Variants in SGMS1 observed in about 807,000 individuals in gnomAD.
The protein encoded by SGMS1 is sphingomyelin synthase 1.
In SGMS1, 13 loss-of-function variants were observed where a neutral mutation model predicts 46.2. The observed-to-expected ratio is 0.28, with a 90% CI of 0.18 to 0.45. The LOEUF (loss-of-function observed/expected upper bound fraction) is 0.45. Ranked by LOEUF, SGMS1 falls within the 20% of genes least tolerant of loss-of-function variation. The pLI is 1.00. For missense variants in SGMS1, 324 were observed against 519.9 expected (o/e 0.62, Z 3.66); for synonymous variants, 203 against 187.8 (o/e 1.08, Z -0.66).
At chr10:50,588,058 G>A (rs1272467544) in intron 2 of SGMS1, among the ~76,000 whole-genome samples, 2 of 151,942 alleles carry the variant, frequency 1.3e-5, no homozygotes, top group Non-Finnish European at 2.9e-5. Flanking sequence ...TTTGCCTCAC[G>A]TGGAGTCCCA....
intron 6 of SGMS1, among the ~76,000 whole-genome samples, chr10:50,411,886 G>A (rs1218499658): frequency 6.6e-6 from 1 of 152,204 alleles, no homozygotes; most frequent in Non-Finnish European, 1.5e-5. Context: ...GTCTACTTCT[G>A]TATGATAAGG....
intron 6 of SGMS1, among the ~76,000 whole-genome samples, chr10:50,415,638 C>T (rs188675488): frequency 1.3e-3 from 197 of 152,126 alleles, no homozygotes; most frequent in African/African-American, 4.2e-3. Flanking sequence ...TCATGGTCTT[C>T]GATGAAGGTG....
At chr10:50,436,691 T>G (rs934519655) in intron 5 of SGMS1, among the ~76,000 whole-genome samples, 1 of 152,198 alleles carries the variant, frequency 6.6e-6, no homozygotes, top group Non-Finnish European at 1.5e-5. Context: ...AGGGCAAAGC[T>G]GAGCCTGCTA....
intron 3 of SGMS1, among the ~76,000 whole-genome samples, chr10:50,486,388 C>T (rs148793266): frequency 5.5e-4 from 84 of 152,168 alleles, no homozygotes; most frequent in African/African-American, 1.8e-3. Context: ...ACCTACGGAA[C>T]GGGAGAGAAT....
At chr10:50,366,821 G>A (rs1382496376) in intron 6 of SGMS1, among the ~76,000 whole-genome samples, 2 of 152,108 alleles carry the variant, frequency 1.3e-5, no homozygotes, top group Non-Finnish European at 2.9e-5. Context: ...GGCTAGGGGA[G>A]GGATAACATT....
chr10:50,487,759 T>C (rs527626855), intron 3 of SGMS1, among the ~76,000 whole-genome samples: 8 of 152,140 alleles, frequency 5.3e-5, no homozygotes, highest in Admixed American at 2.0e-4. Context: ...TTTTGAGAGA[T>C]GGCTAATTCA....
chr10:50,395,409 G>A (rs1589422247), intron 6 of SGMS1, among the ~76,000 whole-genome samples: 1 of 152,136 alleles, frequency 6.6e-6, no homozygotes, highest in East Asian at 1.9e-4. Context: ...GATGCATGTG[G>A]ATGATTAAGC....
At chr10:50,477,384 T>C (rs1328448819) in intron 3 of SGMS1, among the ~76,000 whole-genome samples, 3 of 152,270 alleles carry the variant, frequency 2.0e-5, no homozygotes, top group Non-Finnish European at 4.4e-5. Context: ...TCCCATTGTA[T>C]GTTGGAATTA....
chr10:50,448,711 T>A (rs1163231995), intron 5 of SGMS1, among the ~76,000 whole-genome samples: 1 of 121,304 alleles, frequency 8.2e-6, no homozygotes, highest in Non-Finnish European at 1.5e-5. Flanking sequence ...GCCATTGTAC[T>A]CCAGCCTGAG....
intron 2 of SGMS1, among the ~76,000 whole-genome samples, chr10:50,525,194 C>T (rs766071341): frequency 1.3e-5 from 2 of 152,122 alleles, no homozygotes; most frequent in Non-Finnish European, 2.9e-5. Flanking sequence ...TACTGGGTAA[C>T]AAATAGCATC....
chr10:50,311,683 T>C (rs1476856918), intron 8 of SGMS1, among the ~76,000 whole-genome samples: 1 of 152,186 alleles, frequency 6.6e-6, no homozygotes, highest in African/African-American at 2.4e-5. Flanking sequence ...TCCCCAGTTT[T>C]TCAAAAATTA....
chr10:50,326,643 G>A (rs112053652), intron 8 of SGMS1, among the ~76,000 whole-genome samples: 4 of 152,278 alleles, frequency 2.6e-5, no homozygotes, highest in South Asian at 2.1e-4. Flanking sequence ...GGTGAAGAGT[G>A]TCATTTGAAT....
At chr10:50,498,607 C>T (rs961310080) in intron 3 of SGMS1, among the ~76,000 whole-genome samples, 1 of 152,194 alleles carries the variant, frequency 6.6e-6, no homozygotes, top group African/African-American at 2.4e-5. Flanking sequence ...ATAATGTCCT[C>T]AAGGTTCATC....
chr10:50,305,788 C>T lies in SGMS1; in HGVS notation c.*1354G>A, dbSNP rs960208043. The T allele has an allele frequency of 6.6e-6, 1 of 152,540 alleles. No individual in the cohort carries two copies. The highest frequency in any genetic ancestry group is 6.5e-5 in the Admixed American group (1 of 15,268). 9.4% of individuals were successfully genotyped at this position (152,540 alleles called of 1,614,324 possible). The stretch of plus-strand genomic sequence containing the variant: ...CAATACAAATATCACCTTGTGAATA[C>T]ACAAAAAAATCCTACGGAAGATAAT... On this transcript the variant is annotated 3_prime_UTR_variant, in exon 11 of 11. Coordinates refer to ENST00000361781, the MANE Select transcript of SGMS1 (RefSeq NM_147156.4).
intron 2 of SGMS1, among the ~76,000 whole-genome samples, chr10:50,561,076 T>G (rs1031473631): frequency 2.0e-5 from 3 of 152,308 alleles, no homozygotes; most frequent in African/African-American, 7.2e-5. Flanking sequence ...GTTTAAGAAC[T>G]AGTTAACTGG....
intron 6 of SGMS1, among the ~76,000 whole-genome samples, chr10:50,369,712 C>A (rs568883550): frequency 4.5e-4 from 69 of 152,252 alleles, no homozygotes; most frequent in African/African-American, 1.6e-3. Flanking sequence ...TGAAAAGAAC[C>A]AGTTTCAACA....
At chr10:50,533,928 T>C (rs1212693179) in intron 2 of SGMS1, among the ~76,000 whole-genome samples, 1 of 152,142 alleles carries the variant, frequency 6.6e-6, no homozygotes, top group Admixed American at 6.6e-5. Flanking sequence ...CACATCCCTA[T>C]AGTCCCAGCT....
intron 2 of SGMS1, among the ~76,000 whole-genome samples, chr10:50,539,147 G>A (rs373724691): frequency 5.3e-5 from 8 of 152,200 alleles, no homozygotes; most frequent in South Asian, 2.1e-4. Flanking sequence ...TTCCCCTGCC[G>A]GGCTTCTCCA....
intron 3 of SGMS1, among the ~76,000 whole-genome samples, chr10:50,475,226 C>A (rs2133707579): frequency 6.6e-6 from 1 of 152,268 alleles, no homozygotes; most frequent in African/African-American, 2.4e-5. Context: ...GAAAAGATAA[C>A]CCCAAACATT....
Sources: allele counts gnomAD v4.1 joint callset (sites outside exome capture counted in the v4.1 genomes callset), GRCh38; gene constraint gnomAD v4.1.1; transcripts MANE v1.5; gene names NCBI Gene and HGNC (gene_info 2026-07-23, HGNC 2026-07-21).